DOP1B: variants seen among roughly 807,000 people sequenced by gnomAD.
DOP1B encodes the protein protein DOP1B.
A neutral mutation model predicts 233.5 loss-of-function variants in DOP1B; 174 were observed. The ratio of observed to expected loss-of-function variants is 0.75; its 90% confidence interval spans 0.66 to 0.85. The LOEUF (loss-of-function observed/expected upper bound fraction) is 0.85. DOP1B is among the 40% of genes least tolerant of loss of function. DOP1B has a pLI of 0.00. For missense variants in DOP1B, 2,652 were observed against 2,846.6 expected, an observed-to-expected ratio of 0.93 and a Z score of 1.56; for synonymous variants, 1,190 against 1,185.6, an observed-to-expected ratio of 1.00 and a Z score of -0.08.
intron 23 of DOP1B, among the ~76,000 whole-genome samples, chr21:36,259,598 T>G (rs1014850802): frequency 1.3e-5 from 2 of 152,098 alleles, no homozygotes; most frequent in African/African-American, 4.8e-5. Flanking sequence ...CCATAAATGT[T>G]AGGAGTGGGA....
chr21:36,273,977 C>CT (rs2067320999), intron 27 of DOP1B, among the ~76,000 whole-genome samples: 1 of 152,062 alleles, frequency 6.6e-6, no homozygotes, highest in South Asian at 2.1e-4. Context: ...ACTGGGGAGG[C>CT]TGAGGCAGGA....
At chr21:36,184,860 G>T (rs2066145865) in intron 2 of DOP1B, among the ~76,000 whole-genome samples, 1 of 152,226 alleles carries the variant, frequency 6.6e-6, no homozygotes, top group South Asian at 2.1e-4. Context: ...TAGCGCTGAG[G>T]GTCAGGAAGG....
intron 26 of DOP1B, among the ~76,000 whole-genome samples, chr21:36,264,091 A>G (rs34253237): frequency 1.3e-5 from 2 of 152,154 alleles, no homozygotes; most frequent in Non-Finnish European, 2.9e-5. Flanking sequence ...ATGCAGATGT[A>G]TGTGGATCTC....
intron 2 of DOP1B, among the ~76,000 whole-genome samples, chr21:36,174,437 G>A (rs376688565): frequency 5.9e-5 from 9 of 152,288 alleles, no homozygotes; most frequent in East Asian, 3.9e-4. Flanking sequence ...GCAGTGAGCC[G>A]AGATTGCACC....
intron 26 of DOP1B, among the ~76,000 whole-genome samples, chr21:36,265,728 C>T (rs1029330384): frequency 1.3e-5 from 2 of 152,176 alleles, no homozygotes; most frequent in African/African-American, 4.8e-5. Flanking sequence ...CACCTGGCCT[C>T]CCCGCCACTA....
chr21:36,282,012 T>G (rs990442147), intron 32 of DOP1B, among the ~76,000 whole-genome samples: 1 of 152,234 alleles, frequency 6.6e-6, no homozygotes. Flanking sequence ...CTGAGATGAT[T>G]AAGTACTAGA....
Position 36,200,455 on chromosome 21 carries a change from G to T in DOP1B, c.445G>T (p.Val149Leu). 2 of 1,612,956 alleles carry T rather than the reference G, an allele frequency of 1.2e-6. No homozygotes were observed. The highest frequency in any genetic ancestry group is 1.7e-6 in the Non-Finnish European group (2 of 1,179,944). The stretch of plus-strand genomic sequence containing the variant: ...CCTGCCCAGTCTGCAGGCCTTCATC[G>T]TGGGCCTGCTGCCCGGCCTTGAAGA... ...LLLPSLQAFI[V>L]GLLPGLEEGS... Residue 149 changes from valine (V) to leucine (L), a missense_variant, in exon 4 of 37, where the codon GTG (valine) becomes TTG (leucine). By Grantham distance (32) the Val-to-Leu change is conservative. This residue lies in a region of DOP1B where 2,617 missense variants were observed against 2,794.3 expected (regional missense o/e 0.94). Coordinates refer to ENST00000691173, the MANE Select transcript of DOP1B (RefSeq NM_001320714.2).
chr21:36,166,104 C>T (rs567872387), intron 2 of DOP1B, among the ~76,000 whole-genome samples: 1 of 151,902 alleles, frequency 6.6e-6, no homozygotes, highest in East Asian at 2.0e-4. Flanking sequence ...AACCATGCGC[C>T]CTCCCACCCA....
At chr21:36,178,194 A>G (rs1009900354) in intron 2 of DOP1B, among the ~76,000 whole-genome samples, 3 of 152,208 alleles carry the variant, frequency 2.0e-5, no homozygotes, top group Non-Finnish European at 4.4e-5. Context: ...CTGTGGCCTT[A>G]TAAGAATAGG....
At position 36,199,207 on chromosome 21, in the gene DOP1B, A is replaced by C. The variant is rs1261236510; in HGVS notation, c.276A>C (p.Lys92Asn). The change falls in exon 3 of 37, where the codon AAA becomes AAC. Residue 92 changes from lysine (K) to asparagine (N), a missense_variant. Transcript: ENST00000691173. ...TGGAAACCTACGAGATTATCTTTAAAATCGTGGGGACCAAATGGCTGGCCA... is the reference window on the plus strand; with the variant it reads ...TGGAAACCTACGAGATTATCTTTAACATCGTGGGGACCAAATGGCTGGCCA... The part of the protein sequence containing the change: ...KALETYEIIF[K>N]IVGTKWLAKD... The C allele has an allele frequency of 8.7e-6, 14 of 1,614,182 alleles. No individual in the cohort carries two copies. The highest frequency in any genetic ancestry group is 1.3e-5 in the African/African-American group (1 of 75,044).
At chr21:36,248,651 A>C (rs2066997553) in intron 21 of DOP1B, 83 bp downstream of exon 21, 1 of 1,369,346 alleles carries the variant, frequency 7.3e-7, no homozygotes, top group Non-Finnish European at 9.7e-7. Context: ...GAAAGTGTGC[A>C]TGATAAACAG....
chr21:36,186,583 C>T (rs550081961), intron 2 of DOP1B, among the ~76,000 whole-genome samples: 1 of 152,230 alleles, frequency 6.6e-6, no homozygotes, highest in South Asian at 2.1e-4. Flanking sequence ...CCTGCACGAC[C>T]AGCTTATGAG....
At chr21:36,180,178 A>G (rs1454613352) in intron 2 of DOP1B, among the ~76,000 whole-genome samples, 1 of 152,214 alleles carries the variant, frequency 6.6e-6, no homozygotes, top group Admixed American at 6.5e-5. Context: ...TAACCATTAT[A>G]GGTAATAACA....
At chr21:36,184,672 G>C (rs1421906661) in intron 2 of DOP1B, among the ~76,000 whole-genome samples, 1 of 152,254 alleles carries the variant, frequency 6.6e-6, no homozygotes, top group African/African-American at 2.4e-5. Flanking sequence ...CTGCCGGCCT[G>C]AGGCTCTGCG....
intron 2 of DOP1B, among the ~76,000 whole-genome samples, chr21:36,175,070 G>C (rs2066008671): frequency 6.6e-6 from 1 of 151,924 alleles, no homozygotes; most frequent in African/African-American, 2.4e-5. Context: ...GTCCTCACAG[G>C]ATCATCCCTC....
At chr21:36,190,261 G>T (rs1218881355) in intron 2 of DOP1B, among the ~76,000 whole-genome samples, 3 of 151,890 alleles carry the variant, frequency 2.0e-5, no homozygotes, top group Non-Finnish European at 4.4e-5. Flanking sequence ...GGAGGCGGAG[G>T]TTGCAGTGAG....
At chr21:36,220,768 G>A (rs184189779) in intron 10 of DOP1B, among the ~76,000 whole-genome samples, 72 of 149,940 alleles carry the variant, frequency 4.8e-4, no homozygotes, top group African/African-American at 1.7e-3. Flanking sequence ...GCTTTTCAAA[G>A]TGCTAGGATT....
intron 1 of DOP1B, among the ~76,000 whole-genome samples, chr21:36,157,271 C>T (rs1194333289): frequency 6.6e-6 from 1 of 151,158 alleles, no homozygotes; most frequent in African/African-American, 2.4e-5. Context: ...GCGGCAGGTG[C>T]AGGTCCAGGG....
intron 1 of DOP1B, among the ~76,000 whole-genome samples, chr21:36,159,416 A>G (rs1006503463): frequency 6.6e-6 from 1 of 152,120 alleles, no homozygotes; most frequent in Non-Finnish European, 1.5e-5. Context: ...GCGCCATTGC[A>G]CTCCAGCCCG....
Sources: allele counts gnomAD v4.1 joint callset (sites outside exome capture counted in the v4.1 genomes callset), GRCh38; gene constraint gnomAD v4.1.1; regional missense constraint gnomAD v4.1.1; transcripts MANE v1.5; gene names NCBI Gene and HGNC (gene_info 2026-07-23, HGNC 2026-07-21).